Variants in VPS13A observed in about 807,000 individuals in gnomAD.
VPS13A encodes vacuolar protein sorting 13 homolog A.
VPS13A carries 264 observed loss-of-function variants against 390.9 expected under a neutral mutation model. The ratio of observed to expected loss-of-function variants is 0.68; its 90% CI spans 0.61 to 0.75. The LOEUF (loss-of-function observed/expected upper bound fraction) is 0.75. Among genes scored for constraint, VPS13A ranks in the 30% least tolerant of loss-of-function variants. VPS13A has a pLI of 0.00. For synonymous variants in VPS13A, 1,231 were observed against 1,227.1 expected (o/e 1.00, Z -0.07); for missense variants, 3,409 against 3,733.9 (o/e 0.91, Z 2.27).
At chr9:77,242,403 AGT>A (rs1824552466) in intron 19 of VPS13A, among the ~76,000 whole-genome samples, 1 of 152,190 alleles carries the variant, frequency 6.6e-6, no homozygotes, top group East Asian at 1.9e-4. Context: ...TTCACAGAAA[AGT>A]GTGTGTTATA....
chr9:77,249,826 A>G (rs1221057558), intron 20 of VPS13A, among the ~76,000 whole-genome samples: 10 of 152,218 alleles, frequency 6.6e-5, no homozygotes. Context: ...CACATTTAAA[A>G]AATTTGTAGA....
intron 70 of VPS13A, among the ~76,000 whole-genome samples, chr9:77,407,122 A>G (rs766689576): frequency 3.9e-5 from 6 of 152,198 alleles, no homozygotes; most frequent in Non-Finnish European, 8.8e-5. Context: ...GTGTTTATGT[A>G]CGTATGCATA....
chr9:77,377,223 T>TTG (rs1226540404), intron 67 of VPS13A, among the ~76,000 whole-genome samples: 1 of 137,152 alleles, frequency 7.3e-6, no homozygotes, highest in Non-Finnish European at 1.6e-5. Context: ...TTTTTTTTTT[T>TTG]TTTTTTTGAG....
intron 23 of VPS13A, among the ~76,000 whole-genome samples, chr9:77,266,124 A>T (rs1487442048): frequency 6.6e-6 from 1 of 152,162 alleles, no homozygotes. Flanking sequence ...CTTAATCCTG[A>T]GTTCTAACTG....
intron 31 of VPS13A, among the ~76,000 whole-genome samples, chr9:77,291,932 T>G (rs987924682): frequency 6.6e-6 from 1 of 152,180 alleles, no homozygotes; most frequent in Admixed American, 6.5e-5. Context: ...GAGGGAGACC[T>G]CTAATCATCT....
chr9:77,238,891 G>C (rs144127688), intron 19 of VPS13A, among the ~76,000 whole-genome samples: 212 of 152,186 alleles, frequency 1.4e-3, no homozygotes, highest in African/African-American at 4.8e-3. Flanking sequence ...TGACCATAGA[G>C]ATTATCTGTA....
At chr9:77,196,622 C>A (rs1306627331) in intron 1 of VPS13A, among the ~76,000 whole-genome samples, 1 of 151,500 alleles carries the variant, frequency 6.6e-6, no homozygotes, top group Non-Finnish European at 1.5e-5. Flanking sequence ...AGCATTATGC[C>A]TTCCAGGTGC....
At chr9:77,277,965 A>T (rs1465422101) in intron 26 of VPS13A, among the ~76,000 whole-genome samples, 1 of 152,240 alleles carries the variant, frequency 6.6e-6, no homozygotes, top group Non-Finnish European at 1.5e-5. Flanking sequence ...ATCAAGAAAC[A>T]GTTTGCTCTA....
intron 45 of VPS13A, among the ~76,000 whole-genome samples, chr9:77,329,418 GA>G (rs1296761296): frequency 6.6e-6 from 1 of 152,308 alleles, no homozygotes; most frequent in Admixed American, 6.5e-5. Context: ...AAAAGTGACA[GA>G]CATGTGCCTC....
At chr9:77,336,796 A>G (rs1184752551) in intron 46 of VPS13A, among the ~76,000 whole-genome samples, 2 of 142,738 alleles carry the variant, frequency 1.4e-5, no homozygotes, top group African/African-American at 5.2e-5. Context: ...ATATCTATTT[A>G]TCTATCTTTT....
chr9:77,366,577 A>G, intron 60 of VPS13A, 150 bp from the exon 61 acceptor site: 2 of 659,264 alleles, frequency 3.0e-6, no homozygotes, highest in Non-Finnish European at 5.0e-6. Context: ...AAATTTCTTC[A>G]TATTTCTACT....
At chr9:77,259,843 G>A (rs1825655973) in intron 22 of VPS13A, among the ~76,000 whole-genome samples, 2 of 152,126 alleles carry the variant, frequency 1.3e-5, no homozygotes, top group East Asian at 3.8e-4. Flanking sequence ...AGTAGTAATT[G>A]TCAATTGTAT....
chr9:77,254,799 A>T (rs1825346608), intron 22 of VPS13A, among the ~76,000 whole-genome samples: 1 of 151,406 alleles, frequency 6.6e-6, no homozygotes, highest in Non-Finnish European at 1.5e-5. Flanking sequence ...TTTTGGGGGG[A>T]TTGTTTATTG....
At chr9:77,213,146 G>C in intron 8 of VPS13A, 88 bp from the exon 9 acceptor site, 1 of 1,523,106 alleles carries the variant, frequency 6.6e-7, no homozygotes, top group East Asian at 2.3e-5. Flanking sequence ...CTGTGATATG[G>C]CTCACTTAAT....
chr9:77,405,343 A>T (rs895499909), intron 69 of VPS13A, among the ~76,000 whole-genome samples: 1 of 152,206 alleles, frequency 6.6e-6, no homozygotes, highest in Non-Finnish European at 1.5e-5. Context: ...TAGAAATGAA[A>T]GTATTTATTC....
In VPS13A at chr9:77,344,039, G is replaced by A. The variant is rs1830993460; in HGVS notation, c.7027-114G>A. 2.9e-6 allele frequency: 3 copies of A among 1,026,606 alleles called. No homozygotes were observed. The East Asian group carries it at 8.1e-5, about 28-fold the overall frequency. The allele number at this position is 1,026,606 out of a possible 1,614,324, so 63.6% of individuals were successfully genotyped here. A position where few individuals can be genotyped will look rare whatever the true frequency, so the allele number is the denominator to read the frequency against. ...TAAACAACCCAATAACTAGAGCAGTGTTAAAACAGGTTTTTTTATAGTTTA... is the reference window on the plus strand; with the variant it reads ...TAAACAACCCAATAACTAGAGCAGTATTAAAACAGGTTTTTTTATAGTTTA... On this transcript the variant is annotated intron_variant, in intron 50 of 71. Coordinates refer to ENST00000360280, the MANE Select transcript of VPS13A (RefSeq NM_033305.3).
At position 77,337,377 on chromosome 9, in the gene VPS13A, C is replaced by T; in HGVS notation, c.6218C>T (p.Ser2073Phe). 1 of 1,612,654 alleles carries T rather than the reference C, an allele frequency of 6.2e-7. No individual in the cohort carries two copies. The highest frequency in any genetic ancestry group is 8.5e-7 in the Non-Finnish European group (1 of 1,178,954). ...AAGAAATGTAGATCTAAAAACCCTT[C>T]TAAGGAATCATTTCTCATTAATATT... Reference protein sequence around the residue: ...LKKKCRSKNPSKESFLINIVP... With the variant: ...LKKKCRSKNPFKESFLINIVP... Residue 2073 changes from serine (S) to phenylalanine (F), a missense_variant, in exon 47 of 72, where the codon TCT becomes TTT. Around this residue, in one of 5 missense-constraint regions of VPS13A, gnomAD observed 2,717 missense variants for 2,917.4 expected, o/e 0.93. Transcript: ENST00000360280.
chr9:77,394,716 C>T (rs1390205697), intron 68 of VPS13A, among the ~76,000 whole-genome samples: 1 of 152,222 alleles, frequency 6.6e-6, no homozygotes, highest in Non-Finnish European at 1.5e-5. Context: ...TAGCCACTGT[C>T]ATCAGTGATC....
intron 2 of VPS13A, among the ~76,000 whole-genome samples, chr9:77,200,904 T>C (rs752500405): frequency 6.6e-6 from 1 of 152,184 alleles, no homozygotes; most frequent in Non-Finnish European, 1.5e-5. Context: ...CAGTTTCATG[T>C]TTTTGCGAGT....
Sources: gnomAD v4.1 joint callset for allele counts (sites outside exome capture counted in the v4.1 genomes callset) on GRCh38, gnomAD v4.1.1 for gene constraint, gnomAD v4.1.1 regional missense constraint, MANE v1.5 for transcripts, NCBI Gene and HGNC (gene_info 2026-07-23, HGNC 2026-07-21) for gene names.